Variants in SKP1 observed in about 807,000 individuals in gnomAD.
SKP1 encodes the protein S-phase kinase-associated protein 1.
A neutral mutation model predicts 21.5 loss-of-function variants in SKP1; 1 was observed. The ratio of observed to expected loss-of-function variants is 0.05; its 90% CI spans 0.02 to 0.22. The LOEUF (loss-of-function observed/expected upper bound fraction) is 0.22, where lower values mean the gene tolerates loss of function less well. SKP1 is among the 10% of genes least tolerant of loss of function. The pLI, the probability that SKP1 is intolerant of heterozygous loss-of-function variation, is 1.00. For synonymous variants in SKP1, 59 were observed against 59.3 expected, an observed-to-expected ratio of 0.99 and a Z score of 0.03; for missense variants, 70 against 192.0, an observed-to-expected ratio of 0.36 and a Z score of 3.76.
rs542710199 is a variant in SKP1, at chr5:134,151,429, A to G, written c.*6304T>C. On this transcript the variant is annotated 3_prime_UTR_variant, in exon 6 of 6. Coordinates refer to ENST00000353411, the MANE Select transcript of SKP1 (RefSeq NM_170679.3). ...TTTCCGTAAGCTTCCTGGAACAGAA[A>G]AATCTGCAAAGCAACTGAAGAAGGC... is the stretch of plus-strand genomic sequence containing the variant. The G allele has an allele frequency of 1.9e-4, 46 of 246,030 alleles. No individual in the cohort carries two copies. The highest frequency in any genetic ancestry group is 9.1e-4 in the African/African-American group (41 of 45,192). 15.2% of individuals were successfully genotyped at this position (246,030 alleles called of 1,614,324 possible). A position where few individuals can be genotyped will look rare whatever the true frequency, so the allele number is the denominator to read the frequency against.
intron 3 of SKP1, chr5:134,161,910 G>A (rs561909930): frequency 6.6e-6 from 1 of 152,316 alleles, no homozygotes; most frequent in South Asian, 2.1e-4. Context: ...AGTGTTTTCA[G>A]TTGTAGAATC....
At chr5:134,173,064 G>A (rs189897615) in intron 2 of SKP1, among the ~76,000 whole-genome samples, 3 of 151,602 alleles carry the variant, frequency 2.0e-5, no homozygotes, top group Admixed American at 1.3e-4. Context: ...AGGGCGCGGT[G>A]GCTCACACCT....
In SKP1 at chr5:134,160,973, C is replaced by T. The variant is rs1761209747; in HGVS notation, c.315+14G>A. 1.2e-6 allele frequency: 2 copies of T among 1,601,202 alleles called. No individual in the cohort carries two copies. The highest frequency in any genetic ancestry group is 8.5e-7 in the Non-Finnish European group (1 of 1,171,332). Reference sequence around the variant, plus strand: ...GGCTCTAGAGTAGAGCTATCTTACACATTAAAAACTTACCAGAATGAGTTC... The same window carrying T: ...GGCTCTAGAGTAGAGCTATCTTACATATTAAAAACTTACCAGAATGAGTTC... On this transcript the variant is annotated intron_variant, in intron 4 of 5. Transcript: ENST00000353411.
At chr5:134,168,011 T>C (rs893142676) in intron 2 of SKP1, among the ~76,000 whole-genome samples, 1 of 152,198 alleles carries the variant, frequency 6.6e-6, no homozygotes, top group Non-Finnish European at 1.5e-5. Flanking sequence ...ATATAAAAAG[T>C]ACTTTACTTA....
At chr5:134,161,307 G>C (rs1219543513) in intron 3 of SKP1, 177 bp from the exon 4 acceptor site, 7 of 518,264 alleles carry the variant, frequency 1.4e-5, no homozygotes, top group African/African-American at 1.1e-4. Flanking sequence ...CCCTAGAAGG[G>C]AGAAGATCTT....
chr5:134,171,343 C>T (rs1241007447), intron 2 of SKP1, among the ~76,000 whole-genome samples: 2 of 152,152 alleles, frequency 1.3e-5, no homozygotes, highest in East Asian at 1.9e-4. Context: ...GAAATGTCCC[C>T]TTTTCCCTTG....
intron 2 of SKP1, among the ~76,000 whole-genome samples, chr5:134,169,798 G>A (rs186193851): frequency 7.9e-5 from 12 of 152,234 alleles, no homozygotes; most frequent in East Asian, 3.9e-4. Flanking sequence ...TCAGGGGTTC[G>A]AGACCAGCCT....
chr5:134,166,341 G>T (rs1761330534), intron 3 of SKP1, among the ~76,000 whole-genome samples: 3 of 151,622 alleles, frequency 2.0e-5, no homozygotes, highest in Admixed American at 2.0e-4. Context: ...CCAGCACTTT[G>T]CGAGGCTGAG....
At chr5:134,171,689 G>GCA (rs1380794130) in intron 2 of SKP1, among the ~76,000 whole-genome samples, 10 of 152,046 alleles carry the variant, frequency 6.6e-5, no homozygotes, top group Non-Finnish European at 1.2e-4. Flanking sequence ...ACTTTCCCTA[G>GCA]CACACCCTGT....
intron 2 of SKP1, among the ~76,000 whole-genome samples, chr5:134,170,212 A>C (rs1251902874): frequency 1.3e-5 from 2 of 151,730 alleles, no homozygotes; most frequent in Admixed American, 6.6e-5. Flanking sequence ...TTATGACTGT[A>C]AAGGATTGTA....
At chr5:134,173,512 A>G in intron 2 of SKP1, 1 of 340,518 alleles carries the variant, frequency 2.9e-6, no homozygotes, top group South Asian at 2.4e-5. Context: ...AATAAATAAA[A>G]TCTACACAGC....
intron 3 of SKP1, among the ~76,000 whole-genome samples, chr5:134,165,237 A>G (rs913845979): frequency 2.0e-5 from 3 of 152,212 alleles, no homozygotes; most frequent in African/African-American, 7.2e-5. Context: ...GATCAATGTT[A>G]TGTATATTTT....
intron 4 of SKP1, among the ~76,000 whole-genome samples, chr5:134,160,531 T>C (rs1761200890): frequency 6.6e-6 from 1 of 152,184 alleles, no homozygotes; most frequent in Non-Finnish European, 1.5e-5. Flanking sequence ...TTGTTTCACT[T>C]CTTGGAAGTT....
At chr5:134,163,071 T>C (rs948111945) in intron 3 of SKP1, among the ~76,000 whole-genome samples, 14 of 151,464 alleles carry the variant, frequency 9.2e-5, no homozygotes, top group Admixed American at 1.3e-4. Flanking sequence ...AAAAATGAGA[T>C]GGGACTGGTG....
At chr5:134,164,965 T>C (rs1311852440) in intron 3 of SKP1, among the ~76,000 whole-genome samples, 1 of 151,834 alleles carries the variant, frequency 6.6e-6, no homozygotes, top group African/African-American at 2.4e-5. Flanking sequence ...TGATTCCATA[T>C]ATTATGTATC....
chr5:134,165,009 T>C (rs889663208), intron 3 of SKP1, among the ~76,000 whole-genome samples: 2 of 148,362 alleles, frequency 1.3e-5, no homozygotes, highest in Non-Finnish European at 3.0e-5. Context: ...GAAAGTAGAA[T>C]AGTGTTTACC....
intron 3 of SKP1, among the ~76,000 whole-genome samples, chr5:134,166,091 G>C (rs1328350650): frequency 5.3e-5 from 8 of 149,758 alleles, no homozygotes; most frequent in Admixed American, 5.3e-4. Context: ...GGCTGAGGCA[G>C]GGAAAATTAC....
rs934318668 is a variant in SKP1, at chr5:134,154,904, C to T, written c.*2829G>A. The T allele has an allele frequency of 6.6e-6, 1 of 152,160 alleles. No individual in the cohort carries two copies. Among genetic ancestry groups the T allele is most frequent in the African/African-American group, 2.4e-5 (1 of 41,422 alleles). 9.4% of individuals were successfully genotyped at this position (152,160 alleles called of 1,614,324 possible). A position where few individuals can be genotyped will look rare whatever the true frequency, so the allele number is the denominator to read the frequency against. ...AAGGCTATTATCAGCTATTATCAAGCTCTCCCCTCTCATGCATTAAAACTA... is the reference window on the plus strand; with the variant it reads ...AAGGCTATTATCAGCTATTATCAAGTTCTCCCCTCTCATGCATTAAAACTA... On this transcript the variant is annotated 3_prime_UTR_variant, in exon 6 of 6. Coordinates refer to ENST00000353411, the MANE Select transcript of SKP1 (RefSeq NM_170679.3).
intron 3 of SKP1, among the ~76,000 whole-genome samples, chr5:134,165,689 A>G (rs1448873591): frequency 3.3e-5 from 5 of 151,076 alleles, no homozygotes; most frequent in Non-Finnish European, 7.4e-5. Flanking sequence ...ATTCAAGACC[A>G]GCCTGACCAA....
Sources: gnomAD v4.1 joint callset for allele counts (sites outside exome capture counted in the v4.1 genomes callset) on GRCh38, gnomAD v4.1.1 for gene constraint, MANE v1.5 for transcripts, NCBI Gene and HGNC (gene_info 2026-07-23, HGNC 2026-07-21) for gene names.